RYR1: variants seen among roughly 807,000 people sequenced by gnomAD.
The protein encoded by RYR1 is central core disease of muscle.
Under a neutral mutation model 583.5 loss-of-function variants are expected in RYR1, and 342 were observed. The ratio of observed to expected loss-of-function variants is 0.59; its 90% CI spans 0.54 to 0.64. The LOEUF is 0.64. RYR1 is among the 30% of genes least tolerant of loss of function. RYR1 has a pLI of 0.00. For missense variants in RYR1, 6,032 were observed against 6,917.2 expected (o/e 0.87, Z 4.54); for synonymous variants, 2,791 against 2,822.5 (o/e 0.99, Z 0.35).
Position 38,549,505 on chromosome 19 carries a change from CAA to C in RYR1, c.12282+1086_12282+1087del, listed in dbSNP as rs1484741711. Among the ~76,000 whole-genome samples the C allele has an allele frequency of 1.5e-4, 23 of 152,170 alleles. No homozygotes were observed. In the East Asian group the frequency reaches 3.1e-3, roughly 20 times the overall value. ...CAGTACCTGGAATATGGTGAGTCCT[CAA>C]GAGATGTTAGCTGCTATTACTACTC... On this transcript the variant is annotated intron_variant, in intron 89 of 105. Coordinates refer to ENST00000359596, the MANE Select transcript of RYR1 (RefSeq NM_000540.3).
chr19:38,448,334 C>A (rs778675350), intron 9 of RYR1, 21 bp from the exon 10 acceptor site: 1 of 1,603,856 alleles, frequency 6.2e-7, no homozygotes, highest in South Asian at 1.1e-5. Context: ...TCTGACTCCC[C>A]TTGGCTCTCA....
At chr19:38,540,993 A>T (rs925977537) in intron 84 of RYR1, among the ~76,000 whole-genome samples, 2 of 152,204 alleles carry the variant, frequency 1.3e-5, no homozygotes, top group African/African-American at 4.8e-5. Context: ...TAAACCCCCA[A>T]CTACCCATCA....
intron 89 of RYR1, among the ~76,000 whole-genome samples, chr19:38,551,587 T>C (rs1475895729): frequency 6.6e-6 from 1 of 152,108 alleles, no homozygotes; most frequent in African/African-American, 2.4e-5. Context: ...CTTCCCTGAT[T>C]CGGGGCTTGC....
intron 84 of RYR1, among the ~76,000 whole-genome samples, chr19:38,540,121 C>T (rs1378973858): frequency 1.3e-5 from 2 of 151,870 alleles, no homozygotes; most frequent in Non-Finnish European, 1.5e-5. Flanking sequence ...AAACGGGGGG[C>T]AAAAATACTT....
At chr19:38,548,978 A>C (rs971008624) in intron 89 of RYR1, among the ~76,000 whole-genome samples, 1 of 152,224 alleles carries the variant, frequency 6.6e-6, no homozygotes, top group East Asian at 1.9e-4. Flanking sequence ...ATTATTGTGA[A>C]TAGGCATCAG....
chr19:38,485,776 C>T lies in RYR1; in HGVS notation c.5121C>T (p.Arg1707=), dbSNP rs749086771. 4 of 1,613,262 alleles carry T rather than the reference C, an allele frequency of 2.5e-6. No individual in the cohort carries two copies. The highest frequency in any genetic ancestry group is 2.2e-5 in the East Asian group (1 of 44,878). The change falls in exon 34 of 106, where the codon CGC becomes CGT. Residue 1707 remains arginine, a synonymous_variant. Transcript: ENST00000359596. ...LEDAHLPGPL[R]AGYYDLLISI... is the part of the protein sequence containing the mutation. ...ACGCGCACCTGCCAGGCCCACTGCG[C>T]GCAGGCTACTATGACCTCCTCATCA...
At chr19:38,563,849 C>T (rs745675216) in intron 90 of RYR1, among the ~76,000 whole-genome samples, 1 of 152,204 alleles carries the variant, frequency 6.6e-6, no homozygotes, top group South Asian at 2.1e-4. Flanking sequence ...TCTGGGGGTT[C>T]GAATCCTATA....
At chr19:38,452,126 CAAAA>C (rs66571762) in intron 12 of RYR1, among the ~76,000 whole-genome samples, 10 of 68,868 alleles carry the variant, frequency 1.5e-4, no homozygotes, top group Non-Finnish European at 2.1e-4. Flanking sequence ...CCGCCTCTAC[CAAAA>C]AAAAAAAAAA....
At position 38,440,805 on chromosome 19, in the gene RYR1, C is replaced by G. The variant is rs1412645396; in HGVS notation, c.106C>G (p.Leu36Val). The G allele has an allele frequency of 6.2e-7, 1 of 1,609,166 alleles. No homozygotes were observed. Residue 36 changes from leucine to valine, a missense_variant, in exon 2 of 106, where the codon CTG becomes GTG. Around this residue, in one of 11 missense-constraint regions of RYR1, gnomAD observed 71 missense variants for 75.3 expected, o/e 0.94. Transcript: ENST00000359596. ...GCTCAAGGAGCAGCTCAAGCTCTGC[C>G]TGGCCGCCGAGGGCTTCGGCAACCG... ...TVLKEQLKLC[L>V]AAEGFGNRLC... is the part of the protein sequence containing the mutation.
chr19:38,534,177 A>G (rs145536904), intron 78 of RYR1, among the ~76,000 whole-genome samples: 72 of 151,834 alleles, frequency 4.7e-4, no homozygotes, highest in Admixed American at 1.0e-3. Context: ...ACGCCTGGCT[A>G]ATTTTTTGTA....
intron 35 of RYR1, 88 bp downstream of exon 35, chr19:38,489,531 C>T (rs1339500905): frequency 5.1e-5 from 76 of 1,476,104 alleles, no homozygotes; most frequent in Non-Finnish European, 6.8e-5. Flanking sequence ...ACTTCGTCCT[C>T]AGGCAGTGGG....
chr19:38,549,698 CTTTTTTTTT>C (rs71165559), intron 89 of RYR1, among the ~76,000 whole-genome samples: 6 of 52,410 alleles, frequency 1.1e-4, no homozygotes, highest in Admixed American at 8.3e-4. Context: ...CTTTCCTTTC[CTTTTTTTTT>C]TTTTTTTTTT....
chr19:38,561,758 C>CGTGG lies in RYR1; in HGVS notation c.12624+304_12624+305insGTGG, dbSNP rs1337715397. Among the ~76,000 whole-genome samples the CGTGG allele has an allele frequency of 6.6e-6, 1 of 152,280 alleles. No homozygotes were observed. Among genetic ancestry groups the CGTGG allele is most frequent in the East Asian group, 1.9e-4 (1 of 5,186 alleles). On this transcript the variant is annotated intron_variant, in intron 90 of 105. Coordinates refer to ENST00000359596, the MANE Select transcript of RYR1 (RefSeq NM_000540.3). The surrounding 1 kb of genome is among the most constrained non-coding windows in gnomAD (Gnocchi z 4.8). ...ACGCCATGCTTTCCCCTTACACCCA[C>CGTGG]ACCCTGGGAGCTCTGGCAGGCCCTT...
Position 38,543,711 on chromosome 19 carries a change from GTGATCCC to G in RYR1, c.11908-51_11908-45del. The G allele has an allele frequency of 6.2e-7, 1 of 1,611,454 alleles. No individual in the cohort carries two copies. Among genetic ancestry groups the G allele is most frequent in the East Asian group, 2.2e-5 (1 of 44,880 alleles). On this transcript the variant is annotated intron_variant, in intron 86 of 105. Transcript: ENST00000359596. This position sits in a 1 kb window ranked among gnomAD's most constrained non-coding sequence, Gnocchi z 4.4. ...GTGGGAAGGGAGGGGGTCCCGCATC[GTGATCCC>G]TGATCCCTTCTCGGGGATTCCCTTC...
Position 38,561,572 on chromosome 19 carries a change from C to T in RYR1, c.12624+118C>T, listed in dbSNP as rs377303666. The T allele has an allele frequency of 2.0e-6, 2 of 993,174 alleles. No individual in the cohort carries two copies. Among genetic ancestry groups the T allele is most frequent in the East Asian group, 2.6e-5 (1 of 38,598 alleles). 61.5% of individuals were successfully genotyped at this position (993,174 alleles called of 1,614,324 possible). ...GCGTGCCTCGCATATCTGCCCTGCT[C>T]CGGCAAGCCCACGCCCACCCTTTTG... On this transcript the variant is annotated intron_variant, in intron 90 of 105. Coordinates refer to ENST00000359596, the MANE Select transcript of RYR1 (RefSeq NM_000540.3). This position sits in a 1 kb window ranked among gnomAD's most constrained non-coding sequence, Gnocchi z 4.8.
At chr19:38,475,276 C>T (rs1968659783) in intron 28 of RYR1, 42 bp from the exon 29 acceptor site, 1 of 1,551,914 alleles carries the variant, frequency 6.4e-7, no homozygotes, top group Non-Finnish European at 8.7e-7. Flanking sequence ...GAGGGCTGGG[C>T]TTGAAAGCTG....
rs748172098 is a variant in RYR1, at chr19:38,561,466, C to G, written c.12624+12C>G. 5 of 1,600,682 alleles carry G rather than the reference C, an allele frequency of 3.1e-6. No individual in the cohort carries two copies. Among genetic ancestry groups the G allele is most frequent in the Admixed American group, 1.7e-5 (1 of 59,842 alleles). The stretch of plus-strand genomic sequence containing the variant: ...GGGAGATGCCCCAGGTCAGGGAACC[C>G]GCGCGCGTGCAAGCTCGCCTCCTGG... On this transcript the variant is annotated intron_variant, in intron 90 of 105. Transcript: ENST00000359596. The surrounding 1 kb of genome is among the most constrained non-coding windows in gnomAD (Gnocchi z 4.8).
At chr19:38,545,780 C>T (rs1427932506) in intron 87 of RYR1, among the ~76,000 whole-genome samples, 7 of 152,138 alleles carry the variant, frequency 4.6e-5, no homozygotes, top group African/African-American at 7.2e-5. Flanking sequence ...CATTACATTC[C>T]GGCCTGGGCA....
Position 38,485,677 on chromosome 19 carries a change from C to G in RYR1, c.5022C>G (p.Ala1674=), listed in dbSNP as rs751619254. The part of the protein sequence containing the change: ...HTLRLYRAVC[A]LGNNRVAHAL... ...TGCGCCTCTACCGCGCTGTGTGCGC[C>G]CTGGGCAACAATCGCGTGGCGCACG... Residue 1674 remains alanine (A), a synonymous_variant, in exon 34 of 106, where the codon GCC becomes GCG. Coordinates refer to ENST00000359596, the MANE Select transcript of RYR1 (RefSeq NM_000540.3). 1.2e-6 allele frequency: 2 copies of G among 1,611,058 alleles called. No homozygotes were observed. The highest frequency in any genetic ancestry group is 2.2e-5 in the South Asian group (2 of 91,054).
Sources: allele counts gnomAD v4.1 joint callset (sites outside exome capture counted in the v4.1 genomes callset), GRCh38; gene constraint gnomAD v4.1.1; regional missense constraint gnomAD v4.1.1; non-coding constraint Gnocchi (gnomAD v3.1); transcripts MANE v1.5; gene names NCBI Gene and HGNC (gene_info 2026-07-23, HGNC 2026-07-21).